The following CRCP variants were observed in gnomAD, a reference collection of about 807,000 sequenced individuals.
CRCP encodes DNA-directed RNA polymerase III subunit RPC9.
Under a neutral mutation model 18.5 loss-of-function variants are expected in CRCP, and 18 were observed. That is an observed-to-expected ratio of 0.97 (90% confidence interval 0.67 to 1.44). CRCP has a LOEUF of 1.44. Ranked by LOEUF, CRCP falls within the 40% of genes most tolerant of loss-of-function variation. The pLI, the probability that CRCP is intolerant of heterozygous loss-of-function variation, is 0.00. For synonymous variants in CRCP, 53 were observed against 62.9 expected, an observed-to-expected ratio of 0.84 and a Z score of 0.75; for missense variants, 130 against 176.4, an observed-to-expected ratio of 0.74 and a Z score of 1.49.
chr7:66,143,203 A>C (rs1046963393), intron 4 of CRCP, among the ~76,000 whole-genome samples: 1 of 152,092 alleles, frequency 6.6e-6, no homozygotes, highest in African/African-American at 2.4e-5. Flanking sequence ...GGCCAACTTC[A>C]TAACTCACTC....
At chr7:66,135,237 C>T (rs1562767087) in intron 4 of CRCP, among the ~76,000 whole-genome samples, 1 of 152,172 alleles carries the variant, frequency 6.6e-6, no homozygotes, top group Non-Finnish European at 1.5e-5. Flanking sequence ...TCTAGCCTCC[C>T]ATTATCTAGA....
At position 66,114,927 on chromosome 7, in the gene CRCP, G is replaced by A; in HGVS notation, c.-36G>A. The A allele has an allele frequency of 6.2e-7, 1 of 1,611,778 alleles. No homozygotes were observed. The highest frequency in any genetic ancestry group is 8.5e-7 in the Non-Finnish European group (1 of 1,178,184). On this transcript the variant is annotated 5_prime_UTR_variant, in exon 1 of 6. Coordinates refer to ENST00000395326, the MANE Select transcript of CRCP (RefSeq NM_014478.5). Reference sequence around the variant, plus strand: ...ACAGCTGTGAAGTGTGAGGTTCTTTGTCTGCTGGCAGCTAGGGGCGACGAG... The same window carrying A: ...ACAGCTGTGAAGTGTGAGGTTCTTTATCTGCTGGCAGCTAGGGGCGACGAG...
At chr7:66,119,302 C>G (rs1262857505) in intron 1 of CRCP, among the ~76,000 whole-genome samples, 1 of 152,168 alleles carries the variant, frequency 6.6e-6, no homozygotes, top group Non-Finnish European at 1.5e-5. Context: ...TAGAGCTCTG[C>G]GCCCCCTCTC....
chr7:66,145,688 G>A (rs1011785169), intron 5 of CRCP, among the ~76,000 whole-genome samples, 188 bp downstream of exon 5: 6 of 152,204 alleles, frequency 3.9e-5, no homozygotes, highest in African/African-American at 9.7e-5. Context: ...CACTGGAGGA[G>A]ATTTCATTCC....
At chr7:66,126,453 G>A (rs2115902865) in intron 1 of CRCP, among the ~76,000 whole-genome samples, 1 of 149,282 alleles carries the variant, frequency 6.7e-6, no homozygotes, top group East Asian at 2.0e-4. Flanking sequence ...ATTTCCCACA[G>A]TTCCATAGTT....
rs1418610244 is a variant in CRCP at position 66,152,397 on chromosome 7, G to A, written c.*40G>A. 5 of 1,608,164 alleles carry A rather than the reference G, an allele frequency of 3.1e-6. No individual in the cohort carries two copies. The highest frequency in any genetic ancestry group is 1.3e-5 in the African/African-American group (1 of 74,888). On this transcript the variant is annotated 3_prime_UTR_variant, in exon 6 of 6. Transcript: ENST00000395326. The stretch of plus-strand genomic sequence containing the variant: ...CCCCGGCGTTTCATGAAGTCAGAAG[G>A]CCTGGCAGCCATTTCCTGGACGTTG...
At chr7:66,120,026 G>T (rs1387317289) in intron 1 of CRCP, among the ~76,000 whole-genome samples, 1 of 151,790 alleles carries the variant, frequency 6.6e-6, no homozygotes, top group African/African-American at 2.4e-5. Flanking sequence ...ACTAAAAATA[G>T]AAAAAATTAG....
rs76107013 is a variant in CRCP, at chr7:66,145,862, C to A, written c.297+362C>A. ...GAACATTCTCTGTCCCCACGCCCAC[C>A]CTTCACCCTGCTCTTGCTTCCTCTC... On this transcript the variant is annotated intron_variant, in intron 5 of 5. Coordinates refer to ENST00000395326, the MANE Select transcript of CRCP (RefSeq NM_014478.5). Among the ~76,000 whole-genome samples the A allele has an allele frequency of 2.1e-3, 325 of 152,306 alleles. 2 individuals are homozygous for A. Among genetic ancestry groups the A allele is most frequent in the African/African-American group, 7.6e-3 (318 of 41,574 alleles).
chr7:66,123,848 C>T (rs1584064338), intron 1 of CRCP, among the ~76,000 whole-genome samples: 1 of 149,338 alleles, frequency 6.7e-6, no homozygotes, highest in Admixed American at 6.7e-5. Context: ...GTCAGGAGAT[C>T]GAGACCATCC....
At chr7:66,144,478 A>G (rs2116022158) in intron 4 of CRCP, among the ~76,000 whole-genome samples, 1 of 152,192 alleles carries the variant, frequency 6.6e-6, no homozygotes, top group East Asian at 1.9e-4. Context: ...ACCACACAAG[A>G]TGATTTTGTG....
At chr7:66,122,584 T>C (rs562457994) in intron 1 of CRCP, among the ~76,000 whole-genome samples, 1 of 152,090 alleles carries the variant, frequency 6.6e-6, no homozygotes, top group African/African-American at 2.4e-5. Context: ...TCTAATTCAT[T>C]ACTTAAGGAA....
intron 1 of CRCP, among the ~76,000 whole-genome samples, chr7:66,117,046 G>C (rs956779995): frequency 1.2e-4 from 18 of 151,270 alleles, no homozygotes; most frequent in Non-Finnish European, 7.4e-5. Flanking sequence ...GCTTGAACTC[G>C]GGAGGCAGGG....
intron 1 of CRCP, among the ~76,000 whole-genome samples, chr7:66,118,609 C>A (rs1787342773): frequency 6.6e-6 from 1 of 152,224 alleles, no homozygotes; most frequent in South Asian, 2.1e-4. Context: ...TACCAAAATT[C>A]ACAGATGCTC....
At chr7:66,141,392 C>T (rs1320482409) in intron 4 of CRCP, among the ~76,000 whole-genome samples, 1 of 152,154 alleles carries the variant, frequency 6.6e-6, no homozygotes, top group African/African-American at 2.4e-5. Context: ...CCGTCCCCGC[C>T]TCTGATCTGC....
Position 66,114,929 on chromosome 7 carries a change from C to T in CRCP, c.-34C>T. Reference sequence around the variant, plus strand: ...AGCTGTGAAGTGTGAGGTTCTTTGTCTGCTGGCAGCTAGGGGCGACGAGGC... The same window carrying T: ...AGCTGTGAAGTGTGAGGTTCTTTGTTTGCTGGCAGCTAGGGGCGACGAGGC... On this transcript the variant is annotated 5_prime_UTR_variant, in exon 1 of 6. Transcript: ENST00000395326. 2 of 1,611,658 alleles carry T rather than the reference C, an allele frequency of 1.2e-6. No individual in the cohort carries two copies. The highest frequency in any genetic ancestry group is 2.2e-5 in the East Asian group (1 of 44,758).
intron 4 of CRCP, among the ~76,000 whole-genome samples, chr7:66,138,775 A>G (rs932019517): frequency 1.4e-5 from 2 of 147,374 alleles, no homozygotes; most frequent in Non-Finnish European, 3.0e-5. Flanking sequence ...CCTGGGGGAC[A>G]GAGCGAGACT....
intron 2 of CRCP, 131 bp downstream of exon 2, chr7:66,127,871 T>C: frequency 2.0e-6 from 2 of 989,222 alleles, no homozygotes; most frequent in Non-Finnish European, 1.6e-6. Context: ...CCCAGCACTT[T>C]GGGAGGCTGA....
At chr7:66,127,621 C>T in intron 1 of CRCP, 83 bp from the exon 2 acceptor site, 1 of 1,496,084 alleles carries the variant, frequency 6.7e-7, no homozygotes, top group Non-Finnish European at 9.3e-7. Flanking sequence ...ACTACTGTAT[C>T]TTGACAGGAA....
chr7:66,118,912 C>T (rs1469041604), intron 1 of CRCP, among the ~76,000 whole-genome samples: 2 of 152,226 alleles, frequency 1.3e-5, no homozygotes, highest in East Asian at 3.8e-4. Context: ...TGTTGGGGCA[C>T]TCTAAGCCTC....
Sources: allele counts gnomAD v4.1 joint callset (sites outside exome capture counted in the v4.1 genomes callset), GRCh38; gene constraint gnomAD v4.1.1; transcripts MANE v1.5; gene names NCBI Gene and HGNC (gene_info 2026-07-23, HGNC 2026-07-21).